The following ANKRD31 variants were observed in gnomAD, a reference collection of about 807,000 sequenced individuals.
ANKRD31 encodes ankyrin repeat domain 31, also known as ankyrin repeat domain-containing protein 31.
ANKRD31 carries 147 observed loss-of-function variants against 186.0 expected under a neutral mutation model. That is an observed-to-expected ratio of 0.79 (90% confidence interval 0.69 to 0.91). The LOEUF (loss-of-function observed/expected upper bound fraction) is 0.91, where lower values mean the gene tolerates loss of function less well. Among genes scored for constraint, ANKRD31 ranks in the 40% least tolerant of loss-of-function variants. The probability of loss-of-function intolerance (pLI) is 0.00; values close to 1 mark genes in which losing one functional copy is unlikely to be tolerated. For synonymous variants in ANKRD31, 673 were observed against 736.4 expected, an observed-to-expected ratio of 0.91 and a Z score of 1.39; for missense variants, 1,986 against 2,148.8, an observed-to-expected ratio of 0.92 and a Z score of 1.50.
At position 75,105,008 on chromosome 5, in the gene ANKRD31, C is replaced by G. The variant is rs1427707360; in HGVS notation, c.4551G>C (p.Glu1517Asp). The G allele has an allele frequency of 6.5e-7, 1 of 1,536,782 alleles. No homozygotes were observed. Among genetic ancestry groups the G allele is most frequent in the Non-Finnish European group, 8.7e-7 (1 of 1,146,814 alleles). Reference sequence around the variant, plus strand: ...GCTCTAAATTTTCCAGACTAGTGAGCTCTTGGCTGTCTTTTTCACTAGAGA... The same window carrying G: ...GCTCTAAATTTTCCAGACTAGTGAGGTCTTGGCTGTCTTTTTCACTAGAGA... ...SEISSEKDSQELTSLENLEHP... is the reference protein window; with the variant it reads ...SEISSEKDSQDLTSLENLEHP... The change falls in exon 22 of 26, where the codon GAG (glutamate) becomes GAC (aspartate). Residue 1517 changes from glutamate to aspartate, a missense_variant. Glu to Asp is a conservative substitution (Grantham distance 45, BLOSUM62 2). Coordinates refer to ENST00000506364, the MANE Select transcript of ANKRD31 (RefSeq NM_001372053.1).
intron 19 of ANKRD31, among the ~76,000 whole-genome samples, chr5:75,115,938 T>G (rs1450317916): frequency 6.6e-6 from 1 of 152,150 alleles, no homozygotes. Flanking sequence ...TAAATCATGC[T>G]GCTATAAAGA....
At position 75,104,300 on chromosome 5, in the gene ANKRD31, AC is replaced by A; in HGVS notation, c.5258del (p.Cys1753LeufsTer4). ...LNYSTAPKKK[C>X]IQIKDLILLG... is the part of the protein sequence containing the mutation. ...GTAATATCAAATCTTTTATCTGAAT[AC>A]ATTTCTTTTTAGGAGCTGTACTGTA... On this transcript the variant is annotated frameshift_variant, in exon 22 of 26. Coordinates refer to ENST00000506364, the MANE Select transcript of ANKRD31 (RefSeq NM_001372053.1). LOFTEE classifies it high-confidence loss of function. The A allele has an allele frequency of 1.3e-6, 2 of 1,536,158 alleles. No individual in the cohort carries two copies. Among genetic ancestry groups the A allele is most frequent in the Non-Finnish European group, 1.7e-6 (2 of 1,146,378 alleles).
At chr5:75,190,058 T>G (rs1754998470) in intron 9 of ANKRD31, among the ~76,000 whole-genome samples, 1 of 151,974 alleles carries the variant, frequency 6.6e-6, no homozygotes, top group African/African-American at 2.4e-5. Flanking sequence ...TCCAGGGTAT[T>G]GCCCAGGATG....
At chr5:75,182,068 A>C (rs569227902) in intron 10 of ANKRD31, among the ~76,000 whole-genome samples, 52 of 152,308 alleles carry the variant, frequency 3.4e-4, no homozygotes, top group African/African-American at 1.2e-3. Context: ...AAATATGTAG[A>C]ATCTAGATAG....
At chr5:75,186,301 AT>A (rs1234958357) in intron 10 of ANKRD31, among the ~76,000 whole-genome samples, 8 of 152,188 alleles carry the variant, frequency 5.3e-5, no homozygotes, top group Non-Finnish European at 8.8e-5. Context: ...AATATAACAC[AT>A]TTTTAAAAAA....
At chr5:75,185,473 G>A (rs533656933) in intron 10 of ANKRD31, among the ~76,000 whole-genome samples, 3 of 152,172 alleles carry the variant, frequency 2.0e-5, no homozygotes, top group African/African-American at 4.8e-5. Context: ...AAGGAGAATC[G>A]CTTGAATCTG....
intron 22 of ANKRD31, among the ~76,000 whole-genome samples, chr5:75,096,716 A>C (rs1225614271): frequency 6.6e-6 from 1 of 151,998 alleles, no homozygotes; most frequent in Non-Finnish European, 1.5e-5. Context: ...CACAACGTGC[A>C]GTTTCGTTAC....
chr5:75,224,792 C>G (rs1377264171), intron 2 of ANKRD31, among the ~76,000 whole-genome samples: 4 of 152,016 alleles, frequency 2.6e-5, no homozygotes, highest in African/African-American at 9.7e-5. Context: ...ACAGCTTTTA[C>G]TACACAAAAA....
chr5:75,077,472 T>A (rs1744738733), intron 25 of ANKRD31, among the ~76,000 whole-genome samples: 1 of 152,110 alleles, frequency 6.6e-6, no homozygotes, highest in Non-Finnish European at 1.5e-5. Context: ...ATTTAGAAGT[T>A]TAAAACTATT....
intron 12 of ANKRD31, among the ~76,000 whole-genome samples, chr5:75,152,528 G>A (rs1229733923): frequency 1.3e-5 from 2 of 151,950 alleles, no homozygotes; most frequent in African/African-American, 4.8e-5. Flanking sequence ...ATATCTGTTG[G>A]GGATTTTTTT....
At chr5:75,182,039 G>T (rs1278711727) in intron 10 of ANKRD31, among the ~76,000 whole-genome samples, 1 of 152,106 alleles carries the variant, frequency 6.6e-6, no homozygotes, top group African/African-American at 2.4e-5. Context: ...TTTCAAGATG[G>T]ATAGATATCT....
At chr5:75,089,147 T>C (rs997910203) in intron 23 of ANKRD31, among the ~76,000 whole-genome samples, 5 of 152,166 alleles carry the variant, frequency 3.3e-5, no homozygotes, top group Admixed American at 6.5e-5. Flanking sequence ...ATATAACTTA[T>C]AAAGAGTGGA....
intron 22 of ANKRD31, among the ~76,000 whole-genome samples, chr5:75,100,527 A>T (rs1011333171): frequency 6.6e-6 from 1 of 152,150 alleles, no homozygotes; most frequent in Non-Finnish European, 1.5e-5. Flanking sequence ...GTGGGGTGTT[A>T]AAGTCTCCCA....
At chr5:75,074,261 G>A (rs1458167594) in intron 25 of ANKRD31, among the ~76,000 whole-genome samples, 6 of 152,274 alleles carry the variant, frequency 3.9e-5, no homozygotes, top group East Asian at 3.9e-4. Flanking sequence ...TTTCCATAGT[G>A]ATAAGAATGG....
chr5:75,103,506 C>A (rs1747080641), intron 22 of ANKRD31, among the ~76,000 whole-genome samples: 1 of 152,140 alleles, frequency 6.6e-6, no homozygotes, highest in Non-Finnish European at 1.5e-5. Context: ...TGGGCATATA[C>A]CCAAAGGAAT....
At chr5:75,142,162 C>G (rs1287604419) in intron 15 of ANKRD31, among the ~76,000 whole-genome samples, 1 of 152,090 alleles carries the variant, frequency 6.6e-6, no homozygotes, top group Non-Finnish European at 1.5e-5. Flanking sequence ...AGGATCTTCT[C>G]TTTATTCCTG....
At chr5:75,069,049 C>T (rs1743996017) in intron 25 of ANKRD31, among the ~76,000 whole-genome samples, 2 of 152,102 alleles carry the variant, frequency 1.3e-5, no homozygotes, top group South Asian at 2.1e-4. Context: ...AAATACTAGA[C>T]GCTATTATTA....
At chr5:75,181,727 A>G (rs1436709330) in intron 10 of ANKRD31, among the ~76,000 whole-genome samples, 4 of 112,700 alleles carry the variant, frequency 3.5e-5, no homozygotes, top group African/African-American at 1.4e-4. Flanking sequence ...CACACTGGGG[A>G]CTGTTGTGGG....
At chr5:75,177,607 A>C (rs200866978) in intron 10 of ANKRD31, among the ~76,000 whole-genome samples, 1 of 152,284 alleles carries the variant, frequency 6.6e-6, no homozygotes, top group East Asian at 1.9e-4. Context: ...GAATTTTCAA[A>C]CCAAAATTTC....
Sources: gnomAD v4.1 joint callset for allele counts (sites outside exome capture counted in the v4.1 genomes callset) on GRCh38, gnomAD v4.1.1 for gene constraint, MANE v1.5 for transcripts, NCBI Gene and HGNC (gene_info 2026-07-23, HGNC 2026-07-21) for gene names.